SSX2IP: variants seen among roughly 807,000 people sequenced by gnomAD.
The protein encoded by SSX2IP is SSX family member 2 interacting protein.
In SSX2IP, 55 loss-of-function variants were observed where a neutral mutation model predicts 84.9. That is an observed-to-expected ratio of 0.65 (90% confidence interval 0.52 to 0.81). The LOEUF (loss-of-function observed/expected upper bound fraction) is 0.81, where lower values mean the gene tolerates loss of function less well. Among genes scored for constraint, SSX2IP ranks in the 30% least tolerant of loss-of-function variants. SSX2IP has a pLI of 0.00. For missense variants in SSX2IP, 664 were observed against 705.2 expected, an observed-to-expected ratio of 0.94 and a Z score of 0.66; for synonymous variants, 239 against 234.7, an observed-to-expected ratio of 1.02 and a Z score of -0.17.
At chr1:84,666,364 A>C (rs2102381495) in intron 4 of SSX2IP, 132 bp from the exon 5 acceptor site, 2 of 652,622 alleles carry the variant, frequency 3.1e-6, no homozygotes, top group East Asian at 2.9e-5. Context: ...GTGGCACATG[A>C]AATGTTTATT....
At chr1:84,648,090 T>C (rs1285129987) in intron 13 of SSX2IP, among the ~76,000 whole-genome samples, 1 of 152,140 alleles carries the variant, frequency 6.6e-6, no homozygotes, top group Non-Finnish European at 1.5e-5. Context: ...TATATAAAAT[T>C]CCATTCTACA....
chr1:84,648,099 C>A (rs1649714415), intron 13 of SSX2IP, among the ~76,000 whole-genome samples: 1 of 152,192 alleles, frequency 6.6e-6, no homozygotes, highest in East Asian at 1.9e-4. Flanking sequence ...TTCCATTCTA[C>A]AGTGAAGGAA....
chr1:84,651,816 ATTTTGT>A, intron 12 of SSX2IP, 61 bp downstream of exon 12: 2 of 948,362 alleles, frequency 2.1e-6, no homozygotes, highest in Non-Finnish European at 3.2e-6. Flanking sequence ...AATATGTAGT[ATTTTGT>A]AATATGTAAA....
At chr1:84,687,878 G>A (rs1656011423) in intron 1 of SSX2IP, among the ~76,000 whole-genome samples, 1 of 152,138 alleles carries the variant, frequency 6.6e-6, no homozygotes, top group South Asian at 2.1e-4. Context: ...ACTGTACACT[G>A]CTGCAGAATG....
At chr1:84,663,494 G>A (rs1182157995) in intron 6 of SSX2IP, among the ~76,000 whole-genome samples, 11 of 152,174 alleles carry the variant, frequency 7.2e-5, no homozygotes, top group Middle Eastern at 3.4e-3. Context: ...AATCTTAACG[G>A]CGCATTACTG....
chr1:84,648,545 G>A (rs1345205630), intron 13 of SSX2IP, among the ~76,000 whole-genome samples: 1 of 152,052 alleles, frequency 6.6e-6, no homozygotes, highest in Non-Finnish European at 1.5e-5. Context: ...ATAAAACAAT[G>A]TCTTCAAGAA....
intron 1 of SSX2IP, among the ~76,000 whole-genome samples, chr1:84,672,949 C>T (rs553262015): frequency 2.0e-5 from 3 of 152,224 alleles, no homozygotes; most frequent in South Asian, 2.1e-4. Flanking sequence ...CCCTTGAACC[C>T]GGGAGGCAAG....
At chr1:84,678,307 C>T (rs377465227) in intron 1 of SSX2IP, among the ~76,000 whole-genome samples, 51 of 152,272 alleles carry the variant, frequency 3.3e-4, no homozygotes, top group African/African-American at 1.2e-3. Flanking sequence ...CAATATGAAC[C>T]GAGTCCCACT....
intron 11 of SSX2IP, chr1:84,655,273 TCTTA>T (rs1197061929): frequency 2.9e-6 from 3 of 1,022,202 alleles, no homozygotes; most frequent in Non-Finnish European, 3.6e-6. Context: ...GAGGATACTT[TCTTA>T]CTTTGTAGCT....
At chr1:84,648,630 GAC>G (rs2102129900) in intron 13 of SSX2IP, among the ~76,000 whole-genome samples, 1 of 152,236 alleles carries the variant, frequency 6.6e-6, no homozygotes, top group African/African-American at 2.4e-5. Context: ...AAACAATTGA[GAC>G]AACTATGTTA....
At chr1:84,687,718 T>G (rs1260968478) in intron 1 of SSX2IP, among the ~76,000 whole-genome samples, 2 of 152,200 alleles carry the variant, frequency 1.3e-5, no homozygotes, top group African/African-American at 4.8e-5. Flanking sequence ...GAAATATCCT[T>G]CTAAAGTAAA....
intron 8 of SSX2IP, among the ~76,000 whole-genome samples, chr1:84,661,492 A>AT (rs755563220): frequency 3.3e-5 from 5 of 152,010 alleles, no homozygotes; most frequent in Non-Finnish European, 5.9e-5. Context: ...CTTGATTGCC[A>AT]TAACTATTCT....
At chr1:84,670,012 G>T (rs1653332669) in intron 3 of SSX2IP, 119 bp from the exon 4 acceptor site, 1 of 672,642 alleles carries the variant, frequency 1.5e-6, no homozygotes. Context: ...ACAACACGGT[G>T]ACCTCAGCTA....
In SSX2IP at chr1:84,661,439, TATTTTCTAAG is replaced by T. The variant is rs532834495; in HGVS notation, c.927+749_927+758del. ...TTTTTTTTTTAACCTCAAAAATACT[TATTTTCTAAG>T]AAGCAGTGAAAATGTCACTTTCTCT... is the stretch of plus-strand genomic sequence containing the variant. On this transcript the variant is annotated intron_variant, in intron 8 of 13. Coordinates refer to ENST00000342203, the MANE Select transcript of SSX2IP (RefSeq NM_001166293.2). Among the ~76,000 whole-genome samples the T allele has an allele frequency of 1.5e-3, 224 of 152,260 alleles. 1 individual carries two copies. Among genetic ancestry groups the T allele is most frequent in the East Asian group, 7.9e-3 (41 of 5,188 alleles).
chr1:84,644,626 T>C lies in SSX2IP; in HGVS notation c.*2807A>G, dbSNP rs758914024. On this transcript the variant is annotated 3_prime_UTR_variant, in exon 14 of 14. Transcript: ENST00000342203. ...GTCTTGCTAACTCACAAATTTAGCA[T>C]ACATGCTGCAAAAACCTCTCTCCTG... The C allele has an allele frequency of 2.0e-5, 3 of 152,230 alleles. No individual in the cohort carries two copies. The highest frequency in any genetic ancestry group is 7.2e-5 in the African/African-American group (3 of 41,462). The allele number at this position is 152,230 out of a possible 1,614,324, so 9.4% of individuals were successfully genotyped here.
At chr1:84,686,986 CA>C (rs898423089) in intron 1 of SSX2IP, among the ~76,000 whole-genome samples, 18 of 146,316 alleles carry the variant, frequency 1.2e-4, no homozygotes, top group South Asian at 1.1e-3. Flanking sequence ...TCTAGCATGA[CA>C]AAAAAAAAAT....
chr1:84,670,560 T>G, intron 3 of SSX2IP, 86 bp downstream of exon 3: 2 of 967,208 alleles, frequency 2.1e-6, no homozygotes, highest in South Asian at 4.2e-5. Context: ...AACAAACTTG[T>G]GTTTGACAAA....
At chr1:84,662,620 G>A (rs1481345911) in intron 6 of SSX2IP, 90 bp from the exon 7 acceptor site, 2 of 1,415,478 alleles carry the variant, frequency 1.4e-6, no homozygotes, top group Non-Finnish European at 9.7e-7. Flanking sequence ...AGTGGTGAAA[G>A]TGAACCTGGT....
chr1:84,670,450 G>A (rs1653405765), intron 3 of SSX2IP, 196 bp downstream of exon 3: 1 of 368,006 alleles, frequency 2.7e-6, no homozygotes, highest in Non-Finnish European at 4.9e-6. Flanking sequence ...ACAATGAGGA[G>A]GCCAAGGTGC....
Sources: gnomAD v4.1 joint callset for allele counts (sites outside exome capture counted in the v4.1 genomes callset) on GRCh38, gnomAD v4.1.1 for gene constraint, MANE v1.5 for transcripts, NCBI Gene and HGNC (gene_info 2026-07-23, HGNC 2026-07-21) for gene names.